The following SMIM8 variants were observed in gnomAD, a reference collection of about 807,000 sequenced individuals.
SMIM8 encodes UPF0708 protein C6orf162.
A neutral mutation model predicts 8.1 loss-of-function variants in SMIM8; 8 were observed. That is an observed-to-expected ratio of 0.99 (90% CI 0.58 to 1.78). The LOEUF is 1.78. Ranked by LOEUF, SMIM8 falls within the 40% of genes most tolerant of loss-of-function variation. The pLI, the probability that SMIM8 is intolerant of heterozygous loss-of-function variation, is 0.00. For missense variants in SMIM8, 126 were observed against 119.8 expected, an observed-to-expected ratio of 1.05 and a Z score of -0.24; for synonymous variants, 45 against 39.7, an observed-to-expected ratio of 1.13 and a Z score of -0.50.
At chr6:87,327,142 AT>A (rs1255706974) in intron 1 of SMIM8, among the ~76,000 whole-genome samples, 2 of 150,658 alleles carry the variant, frequency 1.3e-5, no homozygotes, top group African/African-American at 4.9e-5. Context: ...CCATCCTTTT[AT>A]TTTGAGCCTA....
At chr6:87,334,148 G>A (rs1278467159) in intron 2 of SMIM8, among the ~76,000 whole-genome samples, 1 of 152,202 alleles carries the variant, frequency 6.6e-6, no homozygotes, top group Admixed American at 6.5e-5. Context: ...AGCCATTCAT[G>A]AGGGATCTGC....
chr6:87,327,730 G>A (rs1225608775), intron 1 of SMIM8, among the ~76,000 whole-genome samples: 1 of 145,928 alleles, frequency 6.9e-6, no homozygotes, highest in Non-Finnish European at 1.5e-5. Context: ...ACAATTATGT[G>A]TCTTGGAGTT....
chr6:87,335,844 C>CCAAAAAA (rs1777102936), intron 2 of SMIM8, among the ~76,000 whole-genome samples: 1 of 63,322 alleles, frequency 1.6e-5, no homozygotes, highest in African/African-American at 7.7e-5. Flanking sequence ...CCCGTCCCTA[C>CCAAAAAA]CAAAAAAAAA....
At chr6:87,330,002 A>C (rs1161138295) in intron 1 of SMIM8, among the ~76,000 whole-genome samples, 1 of 152,242 alleles carries the variant, frequency 6.6e-6, no homozygotes, top group East Asian at 1.9e-4. Flanking sequence ...TGAGAATCAG[A>C]GTTGTCACTT....
In SMIM8 at chr6:87,341,147, G is replaced by T; in HGVS notation, c.*873G>T. ...ACAACTACTCAATGGATAAGGAATA[G>T]ATAAGGTCTCCTTATTGTACCTTTT... On this transcript the variant is annotated 3_prime_UTR_variant, in exon 4 of 4. Coordinates refer to ENST00000392863, the MANE Select transcript of SMIM8 (RefSeq NM_001042493.3). The T allele has an allele frequency of 2.5e-6, 1 of 396,342 alleles. No homozygotes were observed. The allele number at this position is 396,342 out of a possible 1,614,324, so 24.6% of individuals were successfully genotyped here. A position where few individuals can be genotyped will look rare whatever the true frequency, so the allele number is the denominator to read the frequency against.
At chr6:87,333,256 A>G (rs1444129086) in intron 2 of SMIM8, among the ~76,000 whole-genome samples, 3 of 152,156 alleles carry the variant, frequency 2.0e-5, no homozygotes, top group African/African-American at 7.2e-5. Flanking sequence ...GTGAGAACTC[A>G]CTTGCTCCCC....
chr6:87,336,245 G>T (rs242275), intron 2 of SMIM8, among the ~76,000 whole-genome samples: 95,030 of 151,900 alleles, frequency 0.63, 30,153 homozygotes, highest in African/African-American at 0.7. Flanking sequence ...ATGGCAGAGA[G>T]GATAAAATAA....
intron 3 of SMIM8, among the ~76,000 whole-genome samples, chr6:87,338,906 C>CTTTTTTTTTTTTTTTTTTTTT (rs58307492): frequency 8.6e-6 from 1 of 116,104 alleles, no homozygotes. Flanking sequence ...TATTTAAAAG[C>CTTTTTTTTTTTTTTTTTTTTT]TTTTTTTTTT....
At position 87,342,066 on chromosome 6, in the gene SMIM8, T is replaced by A. The variant is rs1482208283; in HGVS notation, c.*1792T>A. 6.6e-6 allele frequency: 1 copy of A among 152,204 alleles called. No homozygotes were observed. Among genetic ancestry groups the A allele is most frequent in the African/African-American group, 2.4e-5 (1 of 41,456 alleles). 9.4% of individuals were successfully genotyped at this position (152,204 alleles called of 1,614,324 possible). A position where few individuals can be genotyped will look rare whatever the true frequency, so the allele number is the denominator to read the frequency against. The stretch of plus-strand genomic sequence containing the variant: ...CTGTACAAGGTGCAGACTTGAGTCA[T>A]GTAAGATCTATGTGAATGAACCAAA... On this transcript the variant is annotated 3_prime_UTR_variant, in exon 4 of 4. Transcript: ENST00000392863.
intron 1 of SMIM8, among the ~76,000 whole-genome samples, chr6:87,325,660 C>A (rs1458963181): frequency 6.6e-6 from 1 of 151,492 alleles, no homozygotes; most frequent in Admixed American, 6.6e-5. Flanking sequence ...CTGCTGGATT[C>A]CGTTTGCCAG....
rs190721020 is a variant in SMIM8, at chr6:87,325,064, C to T, written c.-45+2432C>T. Among the ~76,000 whole-genome samples, 647 of 151,980 alleles carry T rather than the reference C, an allele frequency of 4.3e-3. 17 individuals carry two copies. The highest frequency in any genetic ancestry group is 0.035 in the Admixed American group (541 of 15,266). ...ATGGGAGTTCACTCATGATTTGGCTCTCTGTTTGTTGCTGGTGTATAAGAA... is the reference window on the plus strand; with the variant it reads ...ATGGGAGTTCACTCATGATTTGGCTTTCTGTTTGTTGCTGGTGTATAAGAA... On this transcript the variant is annotated intron_variant, in intron 1 of 3. Transcript: ENST00000392863.
At chr6:87,336,686 C>T (rs1777119207) in intron 2 of SMIM8, among the ~76,000 whole-genome samples, 1 of 152,172 alleles carries the variant, frequency 6.6e-6, no homozygotes. Flanking sequence ...CTACTGGCCT[C>T]ACCTACTCAT....
At chr6:87,337,720 G>T (rs1427056022) in intron 3 of SMIM8, among the ~76,000 whole-genome samples, 2 of 152,126 alleles carry the variant, frequency 1.3e-5, no homozygotes, top group Admixed American at 1.3e-4. Context: ...TCAAACCCCT[G>T]GGCTCAAGGG....
chr6:87,337,192 T>C, intron 3 of SMIM8, 26 bp downstream of exon 3: 1 of 1,562,140 alleles, frequency 6.4e-7, no homozygotes, highest in Non-Finnish European at 8.7e-7. Context: ...AGGATAAGAC[T>C]TTGTGTTTAA....
chr6:87,324,048 G>T (rs1461636102), intron 1 of SMIM8, among the ~76,000 whole-genome samples: 5 of 149,962 alleles, frequency 3.3e-5, no homozygotes, highest in Admixed American at 6.6e-5. Context: ...TTTTTCATGT[G>T]TGTTTTGGCT....
intron 2 of SMIM8, among the ~76,000 whole-genome samples, chr6:87,333,505 A>T (rs1777037329): frequency 6.6e-6 from 1 of 152,204 alleles, no homozygotes; most frequent in African/African-American, 2.4e-5. Context: ...TAAATTCTAA[A>T]TACCTTTATA....
At chr6:87,331,797 C>T (rs1777001321) in intron 2 of SMIM8, among the ~76,000 whole-genome samples, 1 of 151,854 alleles carries the variant, frequency 6.6e-6, no homozygotes, top group African/African-American at 2.4e-5. Context: ...GACTGTGGCT[C>T]ATAAAGGAGA....
At chr6:87,328,127 A>T (rs879153892) in intron 1 of SMIM8, among the ~76,000 whole-genome samples, 8 of 152,080 alleles carry the variant, frequency 5.3e-5, no homozygotes, top group Middle Eastern at 3.2e-3. Context: ...AGCACTTCTC[A>T]GTATTGGTTA....
chr6:87,339,432 G>A (rs1187237711), intron 3 of SMIM8, among the ~76,000 whole-genome samples: 3 of 111,528 alleles, frequency 2.7e-5, no homozygotes, highest in African/African-American at 4.6e-5. Context: ...GTGTGTGTGT[G>A]TGTTTGTGTG....
Sources: allele counts gnomAD v4.1 joint callset (sites outside exome capture counted in the v4.1 genomes callset), GRCh38; gene constraint gnomAD v4.1.1; transcripts MANE v1.5; gene names NCBI Gene and HGNC (gene_info 2026-07-23, HGNC 2026-07-21).